Variants in SH3D19 observed in about 807,000 individuals in gnomAD.
SH3D19 encodes SH3 domain-containing protein 19.
A neutral mutation model predicts 112.1 loss-of-function variants in SH3D19; 58 were observed. That is an observed-to-expected ratio of 0.52 (90% CI 0.42 to 0.64). The LOEUF (loss-of-function observed/expected upper bound fraction) is 0.64, where lower values mean the gene tolerates loss of function less well. Ranked by LOEUF, SH3D19 falls within the 30% of genes least tolerant of loss-of-function variation. The pLI, the probability that SH3D19 is intolerant of heterozygous loss-of-function variation, is 0.00. For synonymous variants in SH3D19, 391 were observed against 448.5 expected, an observed-to-expected ratio of 0.87 and a Z score of 1.62; for missense variants, 1,090 against 1,263.4, an observed-to-expected ratio of 0.86 and a Z score of 2.08.
chr4:151,125,909 T>C (rs537203596), intron 19 of SH3D19, among the ~76,000 whole-genome samples: 9 of 138,132 alleles, frequency 6.5e-5, no homozygotes, highest in African/African-American at 2.4e-4. Context: ...TTGCTAACAA[T>C]ATATTATAAC....
At position 151,240,542 on chromosome 4, in the gene SH3D19, T is replaced by C. The variant is rs554567703; in HGVS notation, c.113-14456A>G. ...ACCAAAGCATGAGCAATATAATTTG[T>C]ATATATTTAATTTTAAGAAGTTACT... is the stretch of plus-strand genomic sequence containing the variant. On this transcript the variant is annotated intron_variant, in intron 1 of 19. Transcript: ENST00000604030. Among the ~76,000 whole-genome samples, 100 of 152,004 alleles carry C rather than the reference T, an allele frequency of 6.6e-4. 1 individual carries two copies. Among genetic ancestry groups the C allele is most frequent in the Non-Finnish European group, 1.2e-3 (81 of 68,046 alleles).
intron 1 of SH3D19, among the ~76,000 whole-genome samples, chr4:151,238,272 T>A (rs1580302186): frequency 8.0e-6 from 1 of 124,622 alleles, no homozygotes; most frequent in Non-Finnish European, 1.6e-5. Context: ...TAAATGTAAA[T>A]TTTTTTATCT....
intron 3 of SH3D19, among the ~76,000 whole-genome samples, chr4:151,184,731 C>T (rs954373824): frequency 6.6e-5 from 10 of 152,176 alleles, no homozygotes; most frequent in African/African-American, 2.2e-4. Flanking sequence ...CTTTCCTTAA[C>T]TCTGCCTCCT....
rs543247998 is a variant in SH3D19 at position 151,319,300 on chromosome 4, T to C, written c.112+5941A>G. On this transcript the variant is annotated intron_variant, in intron 1 of 19. Coordinates refer to ENST00000604030, the MANE Select transcript of SH3D19 (RefSeq NM_001378122.1). ...CCTGACCTCAGGTAGTCCACCCGCA[T>C]TGGCCTCCCAAAGTGCTGGGATTAC... Among the ~76,000 whole-genome samples, 65 of 152,358 alleles carry C rather than the reference T, an allele frequency of 4.3e-4. No individual in the cohort carries two copies. The South Asian group carries it at 0.012, about 29-fold the overall frequency.
intron 12 of SH3D19, among the ~76,000 whole-genome samples, chr4:151,142,144 G>C (rs959991444): frequency 6.6e-6 from 1 of 152,188 alleles, no homozygotes; most frequent in Non-Finnish European, 1.5e-5. Context: ...ATTAAGAATA[G>C]CTAATATTTA....
chr4:151,181,253 G>A (rs887974224), intron 3 of SH3D19, among the ~76,000 whole-genome samples: 11 of 152,048 alleles, frequency 7.2e-5, no homozygotes, highest in Non-Finnish European at 1.2e-4. Context: ...GAAAAGATTG[G>A]AAGCATAGAT....
intron 2 of SH3D19, among the ~76,000 whole-genome samples, chr4:151,209,182 C>A (rs773349535): frequency 1.3e-5 from 2 of 152,128 alleles, no homozygotes; most frequent in African/African-American, 2.4e-5. Context: ...GATTCTAACC[C>A]CGTCAGCCTG....
At chr4:151,275,724 T>C (rs1773544680) in intron 1 of SH3D19, among the ~76,000 whole-genome samples, 1 of 152,012 alleles carries the variant, frequency 6.6e-6, no homozygotes, top group African/African-American at 2.4e-5. Context: ...TCTCACTGTA[T>C]TGCCCAGGCT....
rs545506595 is a variant in SH3D19, at chr4:151,257,199, T to A, written c.113-31113A>T. 1.4e-4 allele frequency among the ~76,000 whole-genome samples: 21 copies of A among 152,260 alleles called. No homozygotes were observed. In the South Asian group the frequency reaches 4.2e-3, roughly 30 times the overall value. ...ACCTCCCGGGTTCAAGCAGTTCTCC[T>A]GCCTCAGCCTCCCAAGTAGCTGGGA... On this transcript the variant is annotated intron_variant, in intron 1 of 19. Transcript: ENST00000604030.
At chr4:151,283,443 G>A (rs369036711) in intron 1 of SH3D19, among the ~76,000 whole-genome samples, 2 of 150,576 alleles carry the variant, frequency 1.3e-5, no homozygotes, top group East Asian at 3.9e-4. Context: ...ACTTCTATCT[G>A]TGAAATCAGT....
Position 151,176,958 on chromosome 4 carries a change from A to G in SH3D19, c.237-3T>C, listed in dbSNP as rs1169315395. The G allele has an allele frequency of 3.2e-6, 4 of 1,232,170 alleles. No homozygotes were observed. In the East Asian group the frequency reaches 9.5e-5, roughly 29 times the overall value. The allele number at this position is 1,232,170 out of a possible 1,614,324, so 76.3% of individuals were successfully genotyped here. A position where few individuals can be genotyped will look rare whatever the true frequency, so the allele number is the denominator to read the frequency against. ...CCACAATGGTGATCTCTGGGCGCCT[A>G]GTGGACAGAAGCCTCAGTGAGGTTT... On this transcript the variant is annotated splice_region_variant and splice_polypyrimidine_tract_variant and intron_variant, in intron 4 of 19. Transcript: ENST00000604030.
At chr4:151,151,376 T>C (rs1370095416) in intron 9 of SH3D19, among the ~76,000 whole-genome samples, 3 of 152,172 alleles carry the variant, frequency 2.0e-5, no homozygotes, top group African/African-American at 4.8e-5. Context: ...AAAAAAATGC[T>C]GACTCTTTAA....
intron 1 of SH3D19, among the ~76,000 whole-genome samples, chr4:151,277,905 G>C (rs1773800733): frequency 6.6e-6 from 1 of 152,108 alleles, no homozygotes; most frequent in Non-Finnish European, 1.5e-5. Flanking sequence ...GCCGGGCGTG[G>C]TGGCGGGCAC....
chr4:151,192,655 C>T (rs1418283253), intron 2 of SH3D19, among the ~76,000 whole-genome samples: 2 of 152,186 alleles, frequency 1.3e-5, no homozygotes, highest in Non-Finnish European at 2.9e-5. Flanking sequence ...TACCCAATCT[C>T]CTATGAAGCC....
At chr4:151,251,772 G>A (rs1258738602) in intron 1 of SH3D19, among the ~76,000 whole-genome samples, 1 of 152,100 alleles carries the variant, frequency 6.6e-6, no homozygotes, top group Non-Finnish European at 1.5e-5. Context: ...AGCAGCACTG[G>A]TGAACACACA....
At chr4:151,144,438 A>AGC in intron 11 of SH3D19, 1 of 662,868 alleles carries the variant, frequency 1.5e-6, no homozygotes, top group Non-Finnish European at 2.7e-6. Flanking sequence ...AGATCAATGG[A>AGC]GCCTGCCATT....
At position 151,135,067 on chromosome 4, in the gene SH3D19, AACTT is replaced by A. The variant is rs1751529977; in HGVS notation, c.2486+3_2486+6del. On this transcript the variant is annotated splice_donor_5th_base_variant and intron_variant, in intron 15 of 19. Coordinates refer to ENST00000604030, the MANE Select transcript of SH3D19 (RefSeq NM_001378122.1). ...ATTTTGTGTAAAAGAACACAAATAAAACTTACTTAACACAATGAGATGAAACACA... is the reference window on the plus strand; with the variant it reads ...ATTTTGTGTAAAAGAACACAAATAAAACTTAACACAATGAGATGAAACACA... 2 of 1,591,406 alleles carry A rather than the reference AACTT, an allele frequency of 1.3e-6. No individual in the cohort carries two copies. Among genetic ancestry groups the A allele is most frequent in the African/African-American group, 2.7e-5 (2 of 73,884 alleles).
chr4:151,217,228 A>C (rs1767278549), intron 2 of SH3D19, among the ~76,000 whole-genome samples: 1 of 152,210 alleles, frequency 6.6e-6, no homozygotes. Context: ...ATACTTAGAA[A>C]AGAGAACAGC....
intron 7 of SH3D19, among the ~76,000 whole-genome samples, chr4:151,173,956 C>T (rs567281202): frequency 5.3e-5 from 8 of 152,288 alleles, no homozygotes; most frequent in African/African-American, 1.9e-4. Flanking sequence ...CACTCTCCAA[C>T]GGAACAGTTA....
Sources: gnomAD v4.1 joint callset for allele counts (sites outside exome capture counted in the v4.1 genomes callset) on GRCh38, gnomAD v4.1.1 for gene constraint, MANE v1.5 for transcripts, NCBI Gene and HGNC (gene_info 2026-07-23, HGNC 2026-07-21) for gene names.